The following SPHKAP variants were observed in gnomAD, a reference collection of about 807,000 sequenced individuals.
The protein encoded by SPHKAP is SPHK1 interactor, AKAP domain containing.
A neutral mutation model predicts 137.5 loss-of-function variants in SPHKAP; 67 were observed. That is an observed-to-expected ratio of 0.49 (90% CI 0.40 to 0.60). The LOEUF is 0.60. SPHKAP is among the 20% of genes least tolerant of loss of function. The pLI, the probability that SPHKAP is intolerant of heterozygous loss-of-function variation, is 0.00. For synonymous variants in SPHKAP, 813 were observed against 785.3 expected (o/e 1.04, Z -0.59); for missense variants, 2,097 against 2,069.3 (o/e 1.01, Z -0.26).
rs139052657 is a variant in SPHKAP, at chr2:228,018,987, C to T, written c.1867G>A (p.Ala623Thr). 6.2e-7 allele frequency: 1 copy of T among 1,613,912 alleles called. No individual in the cohort carries two copies. Among genetic ancestry groups the T allele is most frequent in the African/African-American group, 1.3e-5 (1 of 74,926 alleles). Residue 623 changes from alanine to threonine, a missense_variant, in exon 7 of 12, where the codon GCT (alanine) becomes ACT (threonine). Physicochemically the swap from Ala to Thr is moderately conservative, Grantham distance 58. Coordinates refer to ENST00000392056, the MANE Select transcript of SPHKAP (RefSeq NM_001142644.2). ...TTAGGCCTTGTTAAAACCAGAGCAG[C>T]CTCCTTGAGCAATCCCTTGGCAATG... ...EAIAKGLLKEAALVLTRPNTY... is the reference protein window; with the variant it reads ...EAIAKGLLKETALVLTRPNTY...
intron 11 of SPHKAP, 26 bp from the exon 12 acceptor site, chr2:227,981,886 T>G (rs566998708): frequency 6.2e-7 from 1 of 1,606,656 alleles, no homozygotes; most frequent in South Asian, 1.1e-5. Context: ...GAGTTAGGGC[T>G]CACAGAGCAC....
chr2:228,062,252 G>A (rs1037178112), intron 3 of SPHKAP, among the ~76,000 whole-genome samples: 1 of 150,852 alleles, frequency 6.6e-6, no homozygotes, highest in African/African-American at 2.4e-5. Flanking sequence ...AGCCTCCCAA[G>A]TAGATGGGAC....
At chr2:228,160,511 G>A (rs879484849) in intron 1 of SPHKAP, among the ~76,000 whole-genome samples, 1 of 152,138 alleles carries the variant, frequency 6.6e-6, no homozygotes, top group Non-Finnish European at 1.5e-5. Context: ...AGAGGGAAAA[G>A]CCCCTTATAA....
At chr2:228,011,508 A>G (rs767499861) in intron 7 of SPHKAP, among the ~76,000 whole-genome samples, 9 of 152,330 alleles carry the variant, frequency 5.9e-5, no homozygotes, top group Non-Finnish European at 1.3e-4. Context: ...AATTTCTATA[A>G]TTACTATTGT....
At chr2:228,055,964 A>G (rs73096641) in intron 3 of SPHKAP, among the ~76,000 whole-genome samples, 2,695 of 152,306 alleles carry the variant, frequency 0.018, 83 homozygotes, top group African/African-American at 0.061. Context: ...TGATGTTGCT[A>G]TCAGGATGGA....
At chr2:228,099,850 T>G (rs970277407) in intron 3 of SPHKAP, among the ~76,000 whole-genome samples, 1 of 65,152 alleles carries the variant, frequency 1.5e-5, no homozygotes, top group Admixed American at 1.9e-4. Flanking sequence ...TACTGATTTT[T>G]TTTTGTTTGT....
chr2:228,093,422 G>T (rs1159747054), intron 3 of SPHKAP, among the ~76,000 whole-genome samples: 1 of 152,016 alleles, frequency 6.6e-6, no homozygotes, highest in Non-Finnish European at 1.5e-5. Flanking sequence ...CCCACACAAT[G>T]CAATATTACT....
At chr2:227,991,242 T>G (rs16824284) in intron 10 of SPHKAP, 32 bp downstream of exon 10, 14 of 1,613,944 alleles carry the variant, frequency 8.7e-6, no homozygotes, top group Non-Finnish European at 1.2e-5. Context: ...GCCCAGGCAA[T>G]TGTGTGTCAA....
intron 3 of SPHKAP, among the ~76,000 whole-genome samples, chr2:228,067,201 T>G (rs997031339): frequency 6.6e-6 from 1 of 152,204 alleles, no homozygotes; most frequent in African/African-American, 2.4e-5. Context: ...GACAGGAACA[T>G]TTGCATCTTC....
At chr2:228,003,492 A>C (rs1365959117) in intron 7 of SPHKAP, among the ~76,000 whole-genome samples, 3 of 152,202 alleles carry the variant, frequency 2.0e-5, no homozygotes. Flanking sequence ...CTAAATACAC[A>C]ATCATGTCAT....
intron 3 of SPHKAP, among the ~76,000 whole-genome samples, chr2:228,080,224 C>A (rs889942087): frequency 6.6e-6 from 1 of 152,020 alleles, no homozygotes. Context: ...GCAGATCATG[C>A]GTCTAATGGG....
At chr2:227,986,178 A>G (rs1019522284) in intron 11 of SPHKAP, among the ~76,000 whole-genome samples, 1 of 152,202 alleles carries the variant, frequency 6.6e-6, no homozygotes, top group African/African-American at 2.4e-5. Flanking sequence ...AAATTCTTCT[A>G]ATTTTCCCCT....
chr2:227,985,104 A>G (rs1693166712), intron 11 of SPHKAP, among the ~76,000 whole-genome samples: 1 of 152,176 alleles, frequency 6.6e-6, no homozygotes, highest in South Asian at 2.1e-4. Context: ...GGGGCCTGTG[A>G]AGGAGAGTCT....
At chr2:228,011,813 C>T (rs1356746682) in intron 7 of SPHKAP, among the ~76,000 whole-genome samples, 1 of 152,092 alleles carries the variant, frequency 6.6e-6, no homozygotes, top group Admixed American at 6.6e-5. Context: ...AAATCTAGCA[C>T]CTCACATACT....
At position 228,091,970 on chromosome 2, in the gene SPHKAP, C is replaced by T. The variant is rs184582466; in HGVS notation, c.246+16862G>A. The stretch of plus-strand genomic sequence containing the variant: ...CATACAAAAATGATACTTGAACACG[C>T]ATGTTTACAGCAGCACAATTCTCAG... On this transcript the variant is annotated intron_variant, in intron 3 of 11. Coordinates refer to ENST00000392056, the MANE Select transcript of SPHKAP (RefSeq NM_001142644.2). Among the ~76,000 whole-genome samples the T allele has an allele frequency of 4.9e-4, 74 of 152,012 alleles. 1 individual carries two copies. Among genetic ancestry groups the T allele is most frequent in the African/African-American group, 1.7e-3 (69 of 41,478 alleles).
chr2:228,168,442 C>A (rs897966583), intron 1 of SPHKAP, among the ~76,000 whole-genome samples: 1 of 152,070 alleles, frequency 6.6e-6, no homozygotes, highest in African/African-American at 2.4e-5. Flanking sequence ...TTTGAAAATT[C>A]TTGCAATATT....
At chr2:228,056,298 A>C (rs1314372730) in intron 3 of SPHKAP, among the ~76,000 whole-genome samples, 2 of 152,232 alleles carry the variant, frequency 1.3e-5, no homozygotes, top group Non-Finnish European at 2.9e-5. Flanking sequence ...CCTGATGATC[A>C]GTAAATAACT....
At chr2:227,991,376 C>T (rs1024194875) in intron 9 of SPHKAP, 50 bp from the exon 10 acceptor site, 1 of 1,612,964 alleles carries the variant, frequency 6.2e-7, no homozygotes, top group Non-Finnish European at 8.5e-7. Context: ...GAAGAATAAG[C>T]TGTAAATGAA....
At chr2:228,040,961 T>A (rs1031835869) in intron 3 of SPHKAP, among the ~76,000 whole-genome samples, 1 of 152,178 alleles carries the variant, frequency 6.6e-6, no homozygotes, top group Non-Finnish European at 1.5e-5. Flanking sequence ...CCTAAGTAAT[T>A]ATGTGGACTA....
Sources: gnomAD v4.1 joint callset for allele counts (sites outside exome capture counted in the v4.1 genomes callset) on GRCh38, gnomAD v4.1.1 for gene constraint, MANE v1.5 for transcripts, NCBI Gene and HGNC (gene_info 2026-07-23, HGNC 2026-07-21) for gene names.